The following GRM5 variants were observed in gnomAD, a reference collection of about 807,000 sequenced individuals.
GRM5 encodes glutamate metabotropic receptor 5.
A neutral mutation model predicts 83.1 loss-of-function variants in GRM5; 19 were observed. The ratio of observed to expected loss-of-function variants is 0.23; its 90% CI spans 0.16 to 0.34. The LOEUF is 0.34. Ranked by LOEUF, GRM5 falls within the 10% of genes least tolerant of loss-of-function variation. The pLI is 1.00. For synonymous variants in GRM5, 675 were observed against 633.6 expected (o/e 1.07, Z -0.98); for missense variants, 1,160 against 1,588.3 (o/e 0.73, Z 4.58).
chr11:88,817,786 A>T (rs1933358818), intron 3 of GRM5, among the ~76,000 whole-genome samples: 1 of 152,152 alleles, frequency 6.6e-6, no homozygotes, highest in South Asian at 2.1e-4. Flanking sequence ...AATTTATAAT[A>T]ATCATTATGC....
At chr11:88,774,997 T>C (rs1265967874) in intron 3 of GRM5, among the ~76,000 whole-genome samples, 1 of 152,208 alleles carries the variant, frequency 6.6e-6, no homozygotes, top group Non-Finnish European at 1.5e-5. Context: ...TCTTTTTCTA[T>C]TGATTGGAAT....
At chr11:88,956,902 G>C (rs1316349806) in intron 2 of GRM5, among the ~76,000 whole-genome samples, 1 of 152,204 alleles carries the variant, frequency 6.6e-6, no homozygotes, top group African/African-American at 2.4e-5. Flanking sequence ...CTGTAAAATG[G>C]AGACACTAAA....
intron 8 of GRM5, among the ~76,000 whole-genome samples, chr11:88,533,245 C>T (rs1302511505): frequency 6.6e-6 from 1 of 152,212 alleles, no homozygotes; most frequent in African/African-American, 2.4e-5. Flanking sequence ...CTCCCTTGCT[C>T]ACATTGCTTC....
intron 3 of GRM5, among the ~76,000 whole-genome samples, chr11:88,722,574 T>C (rs1941572168): frequency 6.6e-6 from 1 of 152,166 alleles, no homozygotes; most frequent in African/African-American, 2.4e-5. Flanking sequence ...ACAATCAATC[T>C]TTATATACTA....
In GRM5 at chr11:88,509,600, G is replaced by A. The variant is rs1419413919; in HGVS notation, c.2727-96C>T. 7.8e-6 allele frequency: 6 copies of A among 774,000 alleles called. No individual in the cohort carries two copies. The East Asian group carries it at 1.7e-4, about 22-fold the overall frequency. The allele number at this position is 774,000 out of a possible 1,614,324, so 47.9% of individuals were successfully genotyped here. Reference sequence around the variant, plus strand: ...GGTGGTTGCTCATGGGCCCCGGACTGGGGAGGACTTTTCTCATTCTTTCAG... The same window carrying A: ...GGTGGTTGCTCATGGGCCCCGGACTAGGGAGGACTTTTCTCATTCTTTCAG... On this transcript the variant is annotated intron_variant, in intron 9 of 9. Coordinates refer to ENST00000305447, the MANE Select transcript of GRM5 (RefSeq NM_001143831.3).
At chr11:88,596,021 G>GA (rs1937794052) in intron 6 of GRM5, among the ~76,000 whole-genome samples, 2 of 36,350 alleles carry the variant, frequency 5.5e-5, no homozygotes, top group Non-Finnish European at 2.5e-4. Context: ...TCTAGACTAA[G>GA]CTTTAATCAC....
chr11:88,950,031 A>ATT (rs58554674), intron 2 of GRM5, among the ~76,000 whole-genome samples: 3 of 139,578 alleles, frequency 2.1e-5, no homozygotes, highest in South Asian at 2.3e-4. Flanking sequence ...AGCCTGGCTA[A>ATT]TTTTTTTTTT....
chr11:88,637,138 T>A (rs893585090), intron 4 of GRM5, among the ~76,000 whole-genome samples: 6 of 152,170 alleles, frequency 3.9e-5, no homozygotes, highest in Non-Finnish European at 5.9e-5. Flanking sequence ...TAAATTACCT[T>A]GGGCAGTATG....
At chr11:88,602,766 A>G (rs1264537885) in intron 5 of GRM5, among the ~76,000 whole-genome samples, 1 of 152,188 alleles carries the variant, frequency 6.6e-6, no homozygotes, top group Non-Finnish European at 1.5e-5. Flanking sequence ...GAACTTTTGT[A>G]AGCTTTGGTT....
chr11:88,864,875 AG>A (rs1348648305), intron 2 of GRM5, among the ~76,000 whole-genome samples: 9 of 152,032 alleles, frequency 5.9e-5, no homozygotes, highest in Non-Finnish European at 4.4e-5. Flanking sequence ...TTTAGCGTAA[AG>A]GGGTGTTGAA....
chr11:88,867,719 G>A lies in GRM5; in HGVS notation c.662-17564C>T, dbSNP rs1187572831. ...TTAAGAAATAGACATGCACATTATCGTGTGAAGATGCAAGGAGAAGATGGC... is the reference window on the plus strand; with the variant it reads ...TTAAGAAATAGACATGCACATTATCATGTGAAGATGCAAGGAGAAGATGGC... On this transcript the variant is annotated intron_variant, in intron 2 of 9. Coordinates refer to ENST00000305447, the MANE Select transcript of GRM5 (RefSeq NM_001143831.3). Among the ~76,000 whole-genome samples, 6 of 151,586 alleles carry A rather than the reference G, an allele frequency of 4.0e-5. No individual in the cohort carries two copies. In the East Asian group the frequency reaches 5.9e-4, roughly 15 times the overall value.
At chr11:88,539,469 A>C (rs753893032) in intron 8 of GRM5, among the ~76,000 whole-genome samples, 15 of 152,190 alleles carry the variant, frequency 9.9e-5, no homozygotes, top group Admixed American at 6.5e-4. Flanking sequence ...CAATTCATGT[A>C]AAATGCTTGA....
chr11:88,989,434 C>T (rs1785226078), intron 2 of GRM5, among the ~76,000 whole-genome samples: 1 of 115,118 alleles, frequency 8.7e-6, no homozygotes, highest in Non-Finnish European at 2.0e-5. Context: ...ACCCCACTGT[C>T]AACATTAGAC....
chr11:88,866,868 G>A (rs1944676270), intron 2 of GRM5, among the ~76,000 whole-genome samples: 1 of 152,112 alleles, frequency 6.6e-6, no homozygotes, highest in African/African-American at 2.4e-5. Context: ...AATCCATCAT[G>A]AATTAATTTC....
chr11:89,027,776 A>T (rs184947531), intron 2 of GRM5, among the ~76,000 whole-genome samples: 1 of 152,348 alleles, frequency 6.6e-6, no homozygotes, highest in Admixed American at 6.5e-5. Flanking sequence ...TGTACTCAAA[A>T]CTATGGCAAC....
At chr11:88,593,749 G>A (rs934908143) in intron 6 of GRM5, among the ~76,000 whole-genome samples, 1 of 135,736 alleles carries the variant, frequency 7.4e-6, no homozygotes, top group African/African-American at 2.8e-5. Flanking sequence ...TCCCTCCTTC[G>A]CTCCCTCCCT....
chr11:88,723,350 G>A (rs1357951242), intron 3 of GRM5, among the ~76,000 whole-genome samples: 1 of 152,060 alleles, frequency 6.6e-6, no homozygotes, highest in Non-Finnish European at 1.5e-5. Flanking sequence ...TTTATGTGTA[G>A]GTTTTTGTGT....
chr11:88,910,392 T>G (rs1945476804), intron 2 of GRM5, among the ~76,000 whole-genome samples: 2 of 152,106 alleles, frequency 1.3e-5, no homozygotes, highest in South Asian at 4.1e-4. Context: ...AATATTTGTT[T>G]GAGTTTCTGT....
intron 2 of GRM5, among the ~76,000 whole-genome samples, chr11:88,933,626 G>A (rs776624808): frequency 6.6e-6 from 1 of 151,690 alleles, no homozygotes; most frequent in Non-Finnish European, 1.5e-5. Flanking sequence ...CGTTTGAGTC[G>A]TAAATCAATC....
Sources: gnomAD v4.1 joint callset for allele counts (sites outside exome capture counted in the v4.1 genomes callset) on GRCh38, gnomAD v4.1.1 for gene constraint, MANE v1.5 for transcripts, NCBI Gene and HGNC (gene_info 2026-07-23, HGNC 2026-07-21) for gene names.